Variants in IGFL2 observed in about 807,000 individuals in gnomAD.
The protein encoded by IGFL2 is insulin growth factor-like family member 2.
A neutral mutation model predicts 13.9 loss-of-function variants in IGFL2; 7 were observed. The ratio of observed to expected loss-of-function variants is 0.51; its 90% CI spans 0.29 to 0.95. The LOEUF (loss-of-function observed/expected upper bound fraction) is 0.95. Among genes scored for constraint, IGFL2 ranks in the 40% least tolerant of loss-of-function variants. The pLI, the probability that IGFL2 is intolerant of heterozygous loss-of-function variation, is 0.08. For synonymous variants in IGFL2, 55 were observed against 55.8 expected (o/e 0.99, Z 0.07); for missense variants, 138 against 147.8 (o/e 0.93, Z 0.34).
At chr19:46,101,581 G>C in the IGFL2 span, among the ~76,000 whole-genome samples, 3 of 152,252 alleles carry the variant, frequency 2.0e-5, no homozygotes, top group African/African-American at 7.2e-5. Flanking sequence ...ACCAGCAGGG[G>C]AAAAACGGCA....
At chr19:46,114,419 A>G in the IGFL2 span, among the ~76,000 whole-genome samples, 1 of 152,190 alleles carries the variant, frequency 6.6e-6, no homozygotes, top group African/African-American at 2.4e-5. Context: ...TGTAGAATAG[A>G]TAGCCTTTAC....
At chr19:46,170,883 C>T in the IGFL2 span, among the ~76,000 whole-genome samples, 4,764 of 152,214 alleles carry the variant, frequency 0.031, 242 homozygotes, top group African/African-American at 0.11. Flanking sequence ...GTGTGCACGG[C>T]GGGACATGAA....
At chr19:46,097,058 T>C in the IGFL2 span, among the ~76,000 whole-genome samples, 1 of 152,210 alleles carries the variant, frequency 6.6e-6, no homozygotes, top group African/African-American at 2.4e-5. Flanking sequence ...GTCCCTCCTT[T>C]TCAATTGTTT....
At chr19:46,083,088 A>G in the IGFL2 span, among the ~76,000 whole-genome samples, 15 of 152,210 alleles carry the variant, frequency 9.9e-5, no homozygotes, top group Non-Finnish European at 1.9e-4. Context: ...TTCTTGTTAC[A>G]TAAGATAATT....
chr19:46,085,975 T>C, the IGFL2 span, among the ~76,000 whole-genome samples: 1 of 152,210 alleles, frequency 6.6e-6, no homozygotes, highest in African/African-American at 2.4e-5. Flanking sequence ...TAGTGCTTCA[T>C]ATTTCATGTA....
the IGFL2 span, among the ~76,000 whole-genome samples, chr19:46,110,891 T>G: frequency 6.6e-6 from 1 of 152,226 alleles, no homozygotes; most frequent in Non-Finnish European, 1.5e-5. Flanking sequence ...TAATGTTTCA[T>G]TCTGTATTTA....
chr19:46,160,277 A>G (rs1974079391), intron 1 of IGFL2, 138 bp from the exon 2 acceptor site: 1 of 717,294 alleles, frequency 1.4e-6, no homozygotes, highest in East Asian at 2.7e-5. Context: ...GTTAGATCCT[A>G]TGCAAAGATA....
the IGFL2 span, among the ~76,000 whole-genome samples, chr19:46,110,287 G>A: frequency 6.6e-6 from 1 of 152,174 alleles, no homozygotes; most frequent in Non-Finnish European, 1.5e-5. Context: ...GTTTTTGGAT[G>A]TTAAGTCTGC....
chr19:46,101,931 T>G, the IGFL2 span, among the ~76,000 whole-genome samples: 3 of 152,116 alleles, frequency 2.0e-5, no homozygotes, highest in East Asian at 5.8e-4. Flanking sequence ...GAGAGAAAAA[T>G]AAGTTTAAAA....
At chr19:46,098,918 G>A in the IGFL2 span, among the ~76,000 whole-genome samples, 2 of 152,280 alleles carry the variant, frequency 1.3e-5, no homozygotes, top group Admixed American at 6.5e-5. Flanking sequence ...TCATAGTGTC[G>A]TTGGTCTTTG....
the IGFL2 span, chr19:46,206,690 T>C: frequency 6.6e-6 from 1 of 152,234 alleles, no homozygotes; most frequent in Non-Finnish European, 1.5e-5. Flanking sequence ...ATGCACACTC[T>C]TCTATTTCTT....
rs1239381004 is a variant in IGFL2, at chr19:46,149,202, C to CT, written c.19+908dup. Among the ~76,000 whole-genome samples, 99 of 150,684 alleles carry CT rather than the reference C, an allele frequency of 6.6e-4. 1 individual carries two copies. The Middle Eastern group carries it at 0.014, about 21-fold the overall frequency. ...TCTCTCTCTCTTTCTCTCTCCCTCT[C>CT]TTTCTCTCTCCCTCTCTTTTCTCTC... is the stretch of plus-strand genomic sequence containing the variant. On this transcript the variant is annotated intron_variant, in intron 1 of 3. Transcript: ENST00000377693.
At chr19:46,193,635 T>C in the IGFL2 span, among the ~76,000 whole-genome samples, 3 of 152,194 alleles carry the variant, frequency 2.0e-5, no homozygotes, top group Non-Finnish European at 4.4e-5. Context: ...GAATCTGCTG[T>C]ACCTGAAATT....
the IGFL2 span, among the ~76,000 whole-genome samples, chr19:46,089,751 G>T: frequency 6.6e-6 from 1 of 151,296 alleles, no homozygotes; most frequent in African/African-American, 2.4e-5. Context: ...TATGTTATTT[G>T]CTTCTTTTTT....
chr19:46,124,237 CCCT>C, the IGFL2 span: 27 of 1,609,206 alleles, frequency 1.7e-5, 1 homozygote, highest in South Asian at 2.3e-4. Context: ...ACCACCTCTT[CCCT>C]CCTCATTTTT....
At chr19:46,162,263 G>A (rs145235806), downstream of IGFL2, among the ~76,000 whole-genome samples, 3 of 152,290 alleles carry the variant, frequency 2.0e-5, no homozygotes, top group East Asian at 3.9e-4. Flanking sequence ...TGATGATTAT[G>A]TGTCTTGGGG....
chr19:46,139,793 T>C (rs1209449594), upstream of IGFL2, among the ~76,000 whole-genome samples: 1 of 152,162 alleles, frequency 6.6e-6, no homozygotes, highest in Non-Finnish European at 1.5e-5. Context: ...ATTTGAACAA[T>C]ACAACTAACA....
the IGFL2 span, chr19:46,211,510 A>AT: frequency 6.6e-6 from 1 of 151,898 alleles, no homozygotes. Flanking sequence ...GATTCCTTCT[A>AT]TTTTTTCCTG....
chr19:46,152,351 A>G (rs1258716637), intron 1 of IGFL2, among the ~76,000 whole-genome samples: 2 of 151,604 alleles, frequency 1.3e-5, no homozygotes, highest in Non-Finnish European at 2.9e-5. Flanking sequence ...ATCATAGCTC[A>G]ATGCAGCTTC....
Sources: gnomAD v4.1 joint callset for allele counts (sites outside exome capture counted in the v4.1 genomes callset) on GRCh38, gnomAD v4.1.1 for gene constraint, MANE v1.5 for transcripts, NCBI Gene and HGNC (gene_info 2026-07-23, HGNC 2026-07-21) for gene names.